ARRDC2: variants seen among roughly 807,000 people sequenced by gnomAD.
ARRDC2 encodes arrestin domain containing 2.
A neutral mutation model predicts 38.9 loss-of-function variants in ARRDC2; 39 were observed. The observed-to-expected ratio is 1.00, with a 90% CI of 0.78 to 1.31. The LOEUF (loss-of-function observed/expected upper bound fraction) is 1.31, where lower values mean the gene tolerates loss of function less well. ARRDC2 is among the 50% of genes most tolerant of loss of function. The pLI, the probability that ARRDC2 is intolerant of heterozygous loss-of-function variation, is 0.00. For synonymous variants in ARRDC2, 300 were observed against 261.9 expected (o/e 1.15, Z -1.41); for missense variants, 553 against 588.4 (o/e 0.94, Z 0.62).
chr19:18,007,563 G>A (rs529896405), upstream of ARRDC2: 1 of 152,832 alleles, frequency 6.5e-6, no homozygotes, highest in African/African-American at 2.4e-5. Context: ...GGTCAGGACT[G>A]ATTTTTACTT....
Position 18,010,843 on chromosome 19 carries a change from C to T in ARRDC2, c.1170+114C>T, listed in dbSNP as rs984634343. 1.1e-5 allele frequency: 13 copies of T among 1,154,222 alleles called. No individual in the cohort carries two copies. The East Asian group carries it at 3.3e-4, about 29-fold the overall frequency. The allele number at this position is 1,154,222 out of a possible 1,614,324, so 71.5% of individuals were successfully genotyped here. A position where few individuals can be genotyped will look rare whatever the true frequency, so the allele number is the denominator to read the frequency against. ...GTTTTTTTGTTTTTTTAGACAGGGT[C>T]TTGCTCTGTCACCCAGGCTGGAGTG... is the stretch of plus-strand genomic sequence containing the variant. On this transcript the variant is annotated intron_variant, in intron 7 of 7. Coordinates refer to ENST00000222250, the MANE Select transcript of ARRDC2 (RefSeq NM_015683.2).
rs772562935 is a variant in ARRDC2, at chr19:18,008,281, C to T, written c.-30C>T. 11 of 1,578,532 alleles carry T rather than the reference C, an allele frequency of 7.0e-6. No homozygotes were observed. Among genetic ancestry groups the T allele is most frequent in the African/African-American group, 4.2e-5 (3 of 72,128 alleles). On this transcript the variant is annotated 5_prime_UTR_variant, in exon 1 of 8. Coordinates refer to ENST00000222250, the MANE Select transcript of ARRDC2 (RefSeq NM_015683.2). ...GGTTCGCGAGTTCGAGGCCAGGTTC[C>T]GCCTGTCGTGGGTTCGCACCCCGGA...
chr19:18,005,564 C>T (rs1310507409), upstream of ARRDC2, among the ~76,000 whole-genome samples: 4 of 151,318 alleles, frequency 2.6e-5, no homozygotes, highest in African/African-American at 7.3e-5. Flanking sequence ...CCAGTAGGGG[C>T]GGCCGGGCAG....
chr19:18,011,814 G>A (rs2033416812), intron 7 of ARRDC2, among the ~76,000 whole-genome samples: 1 of 151,604 alleles, frequency 6.6e-6, no homozygotes, highest in Admixed American at 6.6e-5. Context: ...AGCAATGATT[G>A]TGCTACTACA....
At chr19:18,003,959 A>C (rs1233896736), upstream of ARRDC2, among the ~76,000 whole-genome samples, 1 of 151,328 alleles carries the variant, frequency 6.6e-6, no homozygotes, top group African/African-American at 2.4e-5. Flanking sequence ...TTTTTAGTAG[A>C]GACGGGTTTC....
upstream of ARRDC2, chr19:18,008,115 G>GTCCCCCCCCC: frequency 1.2e-6 from 1 of 810,032 alleles, no homozygotes; most frequent in Non-Finnish European, 1.7e-6. Flanking sequence ...AAGAGACGGT[G>GTCCCCCCCCC]ACCCCACCCC....
chr19:18,001,673 G>A (rs1052564355), intron 1 of ARRDC2: 6 of 1,219,602 alleles, frequency 4.9e-6, no homozygotes, highest in Non-Finnish European at 6.2e-6. Flanking sequence ...TATGCGGTCG[G>A]GTGATCCTTT....
upstream of ARRDC2, chr19:18,008,123 C>CCCCCCCCCCCCCCCCCCGACAACAG: frequency 1.4e-6 from 1 of 691,106 alleles, no homozygotes; most frequent in Non-Finnish European, 2.0e-6. Context: ...GTGACCCCAC[C>CCCCCCCCCCCCCCCCCCGACAACAG]CCCCCCCGCC....
upstream of ARRDC2, among the ~76,000 whole-genome samples, chr19:18,005,833 G>C (rs2033263753): frequency 1.3e-5 from 2 of 151,600 alleles, no homozygotes; most frequent in South Asian, 4.2e-4. Context: ...TCCCAGACGG[G>C]GTGGCAGCCG....
intron 2 of ARRDC2, 54 bp downstream of exon 2, chr19:18,008,831 G>A (rs2033340755): frequency 1.2e-6 from 2 of 1,606,634 alleles, no homozygotes; most frequent in Non-Finnish European, 8.5e-7. Flanking sequence ...TTCCAGATTG[G>A]TACCTCCAAT....
chr19:18,001,475 C>T lies in ARRDC2; in HGVS notation c.161C>T (p.Thr54Ile), dbSNP rs998136219. The change falls in exon 1 of 8, where the codon ACC becomes ATC. Residue 54 changes from threonine to isoleucine, a missense_variant. Coordinates refer to the ARRDC2 transcript ENST00000379656. The stretch of plus-strand genomic sequence containing the variant: ...GTGAAGGCGCGCGGCGGGGCGGCCA[C>T]CCACTGGTTGGAGGGTCGCAGCGTG... 18 of 1,292,338 alleles carry T rather than the reference C, an allele frequency of 1.4e-5. 1 individual carries two copies. The Admixed American group carries it at 3.9e-4, about 28-fold the overall frequency. The allele number at this position is 1,292,338 out of a possible 1,614,324, so 80.1% of individuals were successfully genotyped here. A position where few individuals can be genotyped will look rare whatever the true frequency, so the allele number is the denominator to read the frequency against.
chr19:18,008,129 C>T, upstream of ARRDC2: 5 of 1,074,278 alleles, frequency 4.7e-6, no homozygotes, highest in South Asian at 3.4e-5. Context: ...CCACCCCCCC[C>T]CGCCCTGCCG....
At chr19:18,010,130 G>T in intron 5 of ARRDC2, 66 bp from the exon 6 acceptor site, 1 of 1,607,060 alleles carries the variant, frequency 6.2e-7, no homozygotes, top group Non-Finnish European at 8.5e-7. Context: ...GTCTCCCCAG[G>T]CATAGGAGGG....
At chr19:18,006,050 C>T (rs1335231411), upstream of ARRDC2, among the ~76,000 whole-genome samples, 1 of 151,740 alleles carries the variant, frequency 6.6e-6, no homozygotes, top group African/African-American at 2.4e-5. Context: ...AGAGACGCTC[C>T]TCACTTCGTA....
upstream of ARRDC2, among the ~76,000 whole-genome samples, chr19:18,005,919 C>G (rs1222453307): frequency 6.7e-6 from 1 of 148,304 alleles, no homozygotes; most frequent in South Asian, 2.1e-4. Context: ...ACGGGGCGGC[C>G]GGGCAGAGAC....
chr19:18,010,141 A>AG (rs2033382451), intron 5 of ARRDC2, 55 bp from the exon 6 acceptor site: 5 of 1,606,378 alleles, frequency 3.1e-6, no homozygotes, highest in Middle Eastern at 1.7e-4. Flanking sequence ...CATAGGAGGG[A>AG]GGTGGGGGTT....
chr19:18,008,234 A>C lies in ARRDC2; in HGVS notation c.-77A>C, dbSNP rs2033323564. The C allele has an allele frequency of 6.5e-7, 1 of 1,537,382 alleles. No individual in the cohort carries two copies. The highest frequency in any genetic ancestry group is 1.4e-5 in the African/African-American group (1 of 69,222). On this transcript the variant is annotated 5_prime_UTR_variant, in exon 1 of 8. Coordinates refer to ENST00000222250, the MANE Select transcript of ARRDC2 (RefSeq NM_015683.2). ...CGGCGATTTTGCGTTCTGAGGCTGC[A>C]GCGTCGGCATCTTGAGCTGCCGGTT...
chr19:18,003,354 C>T (rs750002359), upstream of ARRDC2, among the ~76,000 whole-genome samples: 1 of 152,000 alleles, frequency 6.6e-6, no homozygotes, highest in Non-Finnish European at 1.5e-5. Flanking sequence ...GCAACCTCTG[C>T]CTCCCATGTT....
At position 18,008,986 on chromosome 19, in the gene ARRDC2, C is replaced by T. The variant is rs2033345855; in HGVS notation, c.357C>T (p.Ser119=). The T allele has an allele frequency of 6.2e-7, 1 of 1,613,708 alleles. No homozygotes were observed. Among genetic ancestry groups the T allele is most frequent in the Non-Finnish European group, 8.5e-7 (1 of 1,179,966 alleles). The change falls in exon 3 of 8, where the codon TCC becomes TCT. Residue 119 remains serine, a synonymous_variant. Coordinates refer to ENST00000222250, the MANE Select transcript of ARRDC2 (RefSeq NM_015683.2). ...SFQLPPTLVT[S]FEGKHGSVRY... is the part of the protein sequence containing the mutation. ...TCCACCCTAGGACCCTGGTGACATC[C>T]TTCGAGGGCAAACACGGTAGTGTCC... is the stretch of plus-strand genomic sequence containing the variant.
Sources: gnomAD v4.1 joint callset for allele counts (sites outside exome capture counted in the v4.1 genomes callset) on GRCh38, gnomAD v4.1.1 for gene constraint, MANE v1.5 for transcripts, NCBI Gene and HGNC (gene_info 2026-07-23, HGNC 2026-07-21) for gene names.